SGCZ: variants seen among roughly 807,000 people sequenced by gnomAD.
SGCZ encodes the protein sarcoglycan zeta.
A neutral mutation model predicts 41.3 loss-of-function variants in SGCZ; 40 were observed. That is an observed-to-expected ratio of 0.97 (90% CI 0.75 to 1.26). SGCZ has a LOEUF of 1.26. Ranked by LOEUF, SGCZ falls within the 50% of genes most tolerant of loss-of-function variation. The probability of loss-of-function intolerance (pLI) is 0.00; values close to 1 mark genes in which losing one functional copy is unlikely to be tolerated. For synonymous variants in SGCZ, 206 were observed against 137.5 expected (o/e 1.50, Z -3.49); for missense variants, 552 against 369.8 (o/e 1.49, Z -4.04).
chr8:15,216,521 G>C (rs749001965), intron 1 of SGCZ, among the ~76,000 whole-genome samples: 5 of 151,956 alleles, frequency 3.3e-5, no homozygotes, highest in Admixed American at 2.6e-4. Flanking sequence ...CACCTGGCCA[G>C]CTTATTCTTT....
intron 2 of SGCZ, among the ~76,000 whole-genome samples, chr8:14,393,356 T>C (rs1304564478): frequency 6.6e-6 from 1 of 151,922 alleles, no homozygotes; most frequent in Non-Finnish European, 1.5e-5. Flanking sequence ...CAGCAGGAAC[T>C]AGGACTAGAC....
intron 1 of SGCZ, among the ~76,000 whole-genome samples, chr8:15,054,573 A>G (rs1220632124): frequency 2.0e-5 from 3 of 152,174 alleles, no homozygotes; most frequent in African/African-American, 7.2e-5. Context: ...ACAGTTTAAC[A>G]TGCTGGCGTT....
At chr8:15,024,921 G>A (rs1300952748) in intron 1 of SGCZ, among the ~76,000 whole-genome samples, 11 of 143,906 alleles carry the variant, frequency 7.6e-5, no homozygotes, top group African/African-American at 2.3e-4. Flanking sequence ...GGGCGACAGA[G>A]TGAGACTCCG....
At chr8:14,179,377 T>A (rs1443428420) in intron 4 of SGCZ, among the ~76,000 whole-genome samples, 1 of 152,166 alleles carries the variant, frequency 6.6e-6, no homozygotes, top group Non-Finnish European at 1.5e-5. Flanking sequence ...CCTTTTCTAG[T>A]ATCCCTTTAG....
In SGCZ at chr8:14,611,367, GA is replaced by G. The variant is rs548265344; in HGVS notation, c.40-56442del. Reference sequence around the variant, plus strand: ...GTGTGAATGTATGAAATAGATTGTGGAATTGTTTCTAGGGGAAAATGACACT... The same window carrying G: ...GTGTGAATGTATGAAATAGATTGTGGATTGTTTCTAGGGGAAAATGACACT... On this transcript the variant is annotated intron_variant, in intron 1 of 7. Transcript: ENST00000382080. Among the ~76,000 whole-genome samples the G allele has an allele frequency of 1.5e-4, 23 of 152,128 alleles. No individual in the cohort carries two copies. The East Asian group carries it at 4.4e-3, about 29-fold the overall frequency.
At chr8:14,695,618 T>C (rs965610368) in intron 1 of SGCZ, among the ~76,000 whole-genome samples, 18 of 152,082 alleles carry the variant, frequency 1.2e-4, no homozygotes, top group Admixed American at 1.3e-4. Flanking sequence ...AGAGTTTGAT[T>C]ATAGTTAAAA....
chr8:14,976,761 T>C (rs996990060), intron 1 of SGCZ, among the ~76,000 whole-genome samples: 1 of 152,146 alleles, frequency 6.6e-6, no homozygotes, highest in African/African-American at 2.4e-5. Flanking sequence ...TTGAGCTAAA[T>C]GTTAATCCTA....
chr8:14,572,108 A>T (rs1554453712), intron 1 of SGCZ, among the ~76,000 whole-genome samples: 1 of 152,202 alleles, frequency 6.6e-6, no homozygotes, highest in South Asian at 2.1e-4. Flanking sequence ...TGTTTTCATG[A>T]TACAGCATTA....
intron 1 of SGCZ, among the ~76,000 whole-genome samples, chr8:14,797,951 C>A (rs943180573): frequency 1.3e-5 from 2 of 152,176 alleles, no homozygotes; most frequent in Non-Finnish European, 2.9e-5. Context: ...GATTTGGAAA[C>A]CTCTACCTGG....
At chr8:14,574,355 G>A (rs1804646544) in intron 1 of SGCZ, among the ~76,000 whole-genome samples, 1 of 151,470 alleles carries the variant, frequency 6.6e-6, no homozygotes, top group African/African-American at 2.4e-5. Flanking sequence ...GTGGTTCATA[G>A]AAACCAGAAT....
chr8:14,483,824 T>C (rs1027653892), intron 2 of SGCZ, among the ~76,000 whole-genome samples: 1 of 152,212 alleles, frequency 6.6e-6, no homozygotes, highest in Non-Finnish European at 1.5e-5. Flanking sequence ...AGTTATTTTA[T>C]TTTCAGTTTA....
chr8:15,134,507 T>C (rs967425340), intron 1 of SGCZ, among the ~76,000 whole-genome samples: 4 of 135,798 alleles, frequency 2.9e-5, no homozygotes, highest in Admixed American at 7.6e-5. Flanking sequence ...AAATAGCGCA[T>C]TTTTTTTCCT....
At chr8:14,162,710 G>A (rs1804084189) in intron 5 of SGCZ, 2 of 152,174 alleles carry the variant, frequency 1.3e-5, no homozygotes, top group African/African-American at 4.8e-5. Flanking sequence ...TCACCCAATG[G>A]TGGAGGCTCC....
Position 14,346,612 on chromosome 8 carries a change from A to G in SGCZ, c.235-22408T>C, listed in dbSNP as rs1303750378. 6.6e-5 allele frequency among the ~76,000 whole-genome samples: 10 copies of G among 152,192 alleles called. No homozygotes were observed. The East Asian group carries it at 9.7e-4, about 15-fold the overall frequency. ...TAAGCAATAAATCTTATATTCATTT[A>G]TCTTATCACAAAATAAAATATCACA... On this transcript the variant is annotated intron_variant, in intron 2 of 7. Coordinates refer to ENST00000382080, the MANE Select transcript of SGCZ (RefSeq NM_139167.4).
At chr8:14,132,178 C>T (rs187926050) in intron 5 of SGCZ, among the ~76,000 whole-genome samples, 5 of 152,030 alleles carry the variant, frequency 3.3e-5, no homozygotes, top group Non-Finnish European at 7.4e-5. Flanking sequence ...AGTAATTTTG[C>T]TTGGCCTGTC....
chr8:14,621,663 G>A (rs1321930718), intron 1 of SGCZ, among the ~76,000 whole-genome samples: 2 of 152,048 alleles, frequency 1.3e-5, no homozygotes, highest in African/African-American at 4.8e-5. Flanking sequence ...GAGACTGAGA[G>A]AGAGTGAAGT....
chr8:14,871,218 A>G (rs1804136888), intron 1 of SGCZ, among the ~76,000 whole-genome samples: 1 of 151,900 alleles, frequency 6.6e-6, no homozygotes, highest in South Asian at 2.1e-4. Flanking sequence ...AACAACAAAA[A>G]AAAAAGTCAG....
chr8:14,508,768 G>A (rs540844417), intron 2 of SGCZ, among the ~76,000 whole-genome samples: 9 of 152,208 alleles, frequency 5.9e-5, no homozygotes, highest in Admixed American at 2.6e-4. Flanking sequence ...AGGCTTTACC[G>A]TTTCACATGT....
chr8:14,105,224 G>C (rs1358361892), intron 6 of SGCZ, among the ~76,000 whole-genome samples: 1 of 152,028 alleles, frequency 6.6e-6, no homozygotes. Context: ...ATGGAAACTA[G>C]CACAGAACTT....
Sources: gnomAD v4.1 joint callset for allele counts (sites outside exome capture counted in the v4.1 genomes callset) on GRCh38, gnomAD v4.1.1 for gene constraint, MANE v1.5 for transcripts, NCBI Gene and HGNC (gene_info 2026-07-23, HGNC 2026-07-21) for gene names.